Variants in ITGA11 observed in about 807,000 individuals in gnomAD.
The protein encoded by ITGA11 is integrin subunit alpha 11, also known as integrin alpha-11.
A neutral mutation model predicts 141.9 loss-of-function variants in ITGA11; 97 were observed. That is an observed-to-expected ratio of 0.68 (90% CI 0.58 to 0.81). The LOEUF (loss-of-function observed/expected upper bound fraction) is 0.81. Ranked by LOEUF, ITGA11 falls within the 30% of genes least tolerant of loss-of-function variation. The pLI is 0.00. For missense variants in ITGA11, 1,387 were observed against 1,559.2 expected, an observed-to-expected ratio of 0.89 and a Z score of 1.86; for synonymous variants, 658 against 624.6, an observed-to-expected ratio of 1.05 and a Z score of -0.80.
chr15:68,364,807 G>A lies in ITGA11; in HGVS notation c.266-9C>T, dbSNP rs1394693756. On this transcript the variant is annotated splice_polypyrimidine_tract_variant and intron_variant, in intron 3 of 29. Transcript: ENST00000315757. ...GGACAGGGTGACCCTTCCTGGGGTT[G>A]GGGGAGAAGTTCAGCTTGCAGCCCC... 9 of 1,612,656 alleles carry A rather than the reference G, an allele frequency of 5.6e-6. No individual in the cohort carries two copies. The highest frequency in any genetic ancestry group is 7.6e-6 in the Non-Finnish European group (9 of 1,179,258).
In ITGA11 at chr15:68,307,183, T is replaced by C. The variant is rs569910807; in HGVS notation, c.3381+165A>G. Among the ~76,000 whole-genome samples the C allele has an allele frequency of 1.3e-5, 2 of 152,374 alleles. No individual in the cohort carries two copies. The highest frequency in any genetic ancestry group is 4.8e-5 in the African/African-American group (2 of 41,588). The stretch of plus-strand genomic sequence containing the variant: ...GCCCCTGAGGCTTTGTCTTGCTTTT[T>C]TCCCTCTTTTCAGCGGCTGCCCTAA... On this transcript the variant is annotated intron_variant, in intron 28 of 29. Coordinates refer to ENST00000315757, the MANE Select transcript of ITGA11 (RefSeq NM_001004439.2). This position sits in a 1 kb window ranked among gnomAD's most constrained non-coding sequence, Gnocchi z 6.1.
At chr15:68,361,817 AGGGGTGAG>A (rs1207288122) in intron 4 of ITGA11, 113 bp from the exon 5 acceptor site, 2 of 686,908 alleles carry the variant, frequency 2.9e-6, no homozygotes, top group African/African-American at 1.8e-5. Context: ...CTTCTATCTG[AGGGGTGAG>A]GGGGTGAGGG....
intron 1 of ITGA11, among the ~76,000 whole-genome samples, chr15:68,424,918 G>C (rs1897106163): frequency 6.6e-6 from 1 of 152,224 alleles, no homozygotes; most frequent in Non-Finnish European, 1.5e-5. Context: ...TCACAGCTCT[G>C]GCGTGTGCCT....
intron 2 of ITGA11, among the ~76,000 whole-genome samples, chr15:68,371,402 G>C (rs1441588910): frequency 6.6e-6 from 1 of 152,148 alleles, no homozygotes; most frequent in Non-Finnish European, 1.5e-5. Flanking sequence ...ATCAGGCGCA[G>C]CATGTTCTAG....
Position 68,304,181 on chromosome 15 carries a change from T to TCC in ITGA11, c.3382-298_3382-297dup, listed in dbSNP as rs1893118382. ...ATCCTCCTCCCACCACATGGGCTAC[T>TCC]CCTTCTCCCTTTGCTGCCTCCGCAT... On this transcript the variant is annotated intron_variant, in intron 28 of 29. Transcript: ENST00000315757. The surrounding 1 kb of genome is among the most constrained non-coding windows in gnomAD (Gnocchi z 6.1). Among the ~76,000 whole-genome samples the TCC allele has an allele frequency of 6.6e-6, 1 of 152,206 alleles. No homozygotes were observed. The highest frequency in any genetic ancestry group is 2.4e-5 in the African/African-American group (1 of 41,464).
intron 1 of ITGA11, among the ~76,000 whole-genome samples, chr15:68,428,818 C>A (rs1373442234): frequency 6.6e-6 from 1 of 152,174 alleles, no homozygotes; most frequent in Non-Finnish European, 1.5e-5. Flanking sequence ...AATACACCCA[C>A]ATCAAGAGCA....
Position 68,301,343 on chromosome 15 carries a change from C to CA in ITGA11, c.*1715dup, listed in dbSNP as rs1172002542. 1.5e-4 allele frequency: 23 copies of CA among 152,268 alleles called. No individual in the cohort carries two copies. Among genetic ancestry groups the CA allele is most frequent in the Admixed American group, 1.4e-3 (22 of 15,284 alleles). 9.4% of individuals were successfully genotyped at this position (152,268 alleles called of 1,614,324 possible). On this transcript the variant is annotated 3_prime_UTR_variant, in exon 30 of 30. Coordinates refer to ENST00000315757, the MANE Select transcript of ITGA11 (RefSeq NM_001004439.2). The surrounding 1 kb of genome is among the most constrained non-coding windows in gnomAD (Gnocchi z 4.4). ...AGAATGGAGACGCCTTGGCTGATGT[C>CA]AGAGTGTAAGACGGTTAACAATGAA...
At position 68,308,737 on chromosome 15, in the gene ITGA11, G is replaced by A. The variant is rs1354222542; in HGVS notation, c.3175-1041C>T. ...CAGCTGGGTGACCGAGCCAGACTCT[G>A]TCTCAAAAGAAAAGAAAAGAAAAGA... On this transcript the variant is annotated intron_variant, in intron 26 of 29. Coordinates refer to ENST00000315757, the MANE Select transcript of ITGA11 (RefSeq NM_001004439.2). The surrounding 1 kb of genome is among the most constrained non-coding windows in gnomAD (Gnocchi z 5.2). Among the ~76,000 whole-genome samples, 1 of 86,118 alleles carries A rather than the reference G, an allele frequency of 1.2e-5. No individual in the cohort carries two copies. The highest frequency in any genetic ancestry group is 4.1e-5 in the African/African-American group (1 of 24,174). The allele number at this position is 86,118 out of a possible 152,430, so 56.5% of individuals were successfully genotyped here.
intron 7 of ITGA11, among the ~76,000 whole-genome samples, chr15:68,352,965 T>C (rs1376305937): frequency 6.6e-6 from 1 of 152,222 alleles, no homozygotes. Flanking sequence ...CCGAGGAGTC[T>C]GGCCCAGAAG....
At chr15:68,313,712 C>CT (rs1893472013) in intron 23 of ITGA11, 67 bp downstream of exon 23, 3 of 1,253,810 alleles carry the variant, frequency 2.4e-6, no homozygotes. Flanking sequence ...AGGATGCCCC[C>CT]CCTTAGGCCT....
chr15:68,408,385 T>G (rs560386809), intron 1 of ITGA11, among the ~76,000 whole-genome samples: 1 of 152,256 alleles, frequency 6.6e-6, no homozygotes, highest in Non-Finnish European at 1.5e-5. Flanking sequence ...TGGATGTGAC[T>G]GTCTGATTAC....
In ITGA11 at chr15:68,396,989, TTATATAA is replaced by T. The variant is rs1451182402; in HGVS notation, c.164+5922_164+5928del. 4.8e-4 allele frequency among the ~76,000 whole-genome samples: 13 copies of T among 26,820 alleles called. 5 individuals carry two copies. The highest frequency in any genetic ancestry group is 6.0e-4 in the Non-Finnish European group (11 of 18,452). 17.6% of individuals were successfully genotyped at this position (26,820 alleles called of 152,430 possible). On this transcript the variant is annotated intron_variant, in intron 2 of 29. Transcript: ENST00000315757. Reference sequence around the variant, plus strand: ...TAAATAATATATTATATATTATTTATTATATAATATATAATATATATTACTTATTATA... The same window carrying T: ...TAAATAATATATTATATATTATTTATTATATAATATATATTACTTATTATA...
intron 5 of ITGA11, among the ~76,000 whole-genome samples, chr15:68,360,932 C>T (rs151125280): frequency 1.7e-4 from 26 of 152,242 alleles, no homozygotes; most frequent in Admixed American, 3.9e-4. Context: ...CTCCATAAAA[C>T]GGGCAGCAGC....
chr15:68,414,170 C>T (rs1291959266), intron 1 of ITGA11, among the ~76,000 whole-genome samples: 1 of 152,186 alleles, frequency 6.6e-6, no homozygotes, highest in Non-Finnish European at 1.5e-5. Flanking sequence ...GGCAGGAGGG[C>T]AACATGGCTG....
intron 2 of ITGA11, among the ~76,000 whole-genome samples, chr15:68,376,018 A>G (rs1895718281): frequency 2.0e-5 from 3 of 152,140 alleles, no homozygotes; most frequent in Admixed American, 6.5e-5. Flanking sequence ...AGAGGCTGAA[A>G]CTGGGGGTGG....
At position 68,304,511 on chromosome 15, in the gene ITGA11, G is replaced by T. The variant is rs1219441524; in HGVS notation, c.3382-626C>A. Among the ~76,000 whole-genome samples the T allele has an allele frequency of 6.6e-6, 1 of 152,090 alleles. No individual in the cohort carries two copies. The highest frequency in any genetic ancestry group is 1.5e-5 in the Non-Finnish European group (1 of 68,024). On this transcript the variant is annotated intron_variant, in intron 28 of 29. Transcript: ENST00000315757. The surrounding 1 kb of genome is among the most constrained non-coding windows in gnomAD (Gnocchi z 6.1). ...AGGAAGGTGTCCCAAAGGCAAAAGT[G>T]GCCAGGGCGTGAAGGTCAGAAAGTA...
intron 11 of ITGA11, 75 bp downstream of exon 11, chr15:68,339,425 G>C (rs1220479490): frequency 6.7e-7 from 1 of 1,503,652 alleles, no homozygotes; most frequent in Non-Finnish European, 9.0e-7. Flanking sequence ...CTCGTGTGTG[G>C]GCTGGGGGTT....
intron 2 of ITGA11, among the ~76,000 whole-genome samples, chr15:68,396,951 ATT>A (rs1215802067): frequency 5.0e-5 from 2 of 39,962 alleles, no homozygotes; most frequent in Non-Finnish European, 7.9e-5. Flanking sequence ...ATTATATATT[ATT>A]TATTATATAA....
rs750676498 is a variant in ITGA11, at chr15:68,321,419, T to C, written c.2407A>G (p.Met803Val). Residue 803 changes from methionine (M) to valine (V), a missense_variant and splice_region_variant, in exon 19 of 30, where the codon ATG becomes GTG. By Grantham distance (21) the Met-to-Val change is conservative. Transcript: ENST00000315757. The surrounding 1 kb of genome is among the most constrained non-coding windows in gnomAD (Gnocchi z 4.9). The stretch of plus-strand genomic sequence containing the variant: ...TGGGGGTGGAAGGAGCCAACTCACA[T>C]GGCCGTGGGCAGGTCACTCCGGGCA... ...LDARSDLPTA[M>V]EYCQRVLRKP... 5 of 1,567,792 alleles carry C rather than the reference T, an allele frequency of 3.2e-6. 1 individual carries two copies. The highest frequency in any genetic ancestry group is 4.3e-6 in the Non-Finnish European group (5 of 1,155,376).
Sources: allele counts gnomAD v4.1 joint callset (sites outside exome capture counted in the v4.1 genomes callset), GRCh38; gene constraint gnomAD v4.1.1; non-coding constraint Gnocchi (gnomAD v3.1); transcripts MANE v1.5; gene names NCBI Gene and HGNC (gene_info 2026-07-23, HGNC 2026-07-21).